EYA2: variants seen among roughly 807,000 people sequenced by gnomAD.
EYA2 encodes EYA transcriptional coactivator and phosphatase 2.
A neutral mutation model predicts 69.2 loss-of-function variants in EYA2; 31 were observed. The observed-to-expected ratio is 0.45, with a 90% CI of 0.34 to 0.60. The LOEUF is 0.60. Ranked by LOEUF, EYA2 falls within the 20% of genes least tolerant of loss-of-function variation. The pLI, the probability that EYA2 is intolerant of heterozygous loss-of-function variation, is 0.02. For synonymous variants in EYA2, 257 were observed against 279.4 expected, an observed-to-expected ratio of 0.92 and a Z score of 0.80; for missense variants, 622 against 701.2, an observed-to-expected ratio of 0.89 and a Z score of 1.28.
chr20:46,962,857 T>G (rs1306628814), intron 1 of EYA2, among the ~76,000 whole-genome samples: 1 of 152,248 alleles, frequency 6.6e-6, no homozygotes. Flanking sequence ...AACACCTGTG[T>G]ACCTTTACCC....
At chr20:46,987,613 G>A (rs1981316661) in intron 1 of EYA2, among the ~76,000 whole-genome samples, 1 of 152,062 alleles carries the variant, frequency 6.6e-6, no homozygotes, top group African/African-American at 2.4e-5. Context: ...CAAGGATTCA[G>A]TTAACTACAG....
In EYA2 at chr20:47,143,004, G is replaced by A. The variant is rs539723989; in HGVS notation, c.889-55G>A. The stretch of plus-strand genomic sequence containing the variant: ...GCAGTGGAATGGGACCAAAAGGGTA[G>A]CTAAGATTCCTCAGGCTCCGCGTGC... On this transcript the variant is annotated intron_variant, in intron 9 of 15. Transcript: ENST00000327619. The A allele has an allele frequency of 9.7e-6, 15 of 1,543,146 alleles. No homozygotes were observed. In the East Asian group the frequency reaches 1.6e-4, roughly 16 times the overall value.
intron 5 of EYA2, among the ~76,000 whole-genome samples, chr20:47,067,922 C>T (rs2031174724): frequency 6.6e-6 from 1 of 152,146 alleles, no homozygotes; most frequent in Non-Finnish European, 1.5e-5. Flanking sequence ...GTTTCTTTTC[C>T]TTAAGCCCTT....
At chr20:46,950,456 G>A (rs968474116) in intron 1 of EYA2, among the ~76,000 whole-genome samples, 2 of 152,292 alleles carry the variant, frequency 1.3e-5, no homozygotes, top group East Asian at 3.9e-4. Context: ...GGTTTGGGGT[G>A]CTGGAGCTGT....
chr20:47,084,587 G>T (rs1568768123), intron 7 of EYA2, among the ~76,000 whole-genome samples: 1 of 152,182 alleles, frequency 6.6e-6, no homozygotes, highest in Non-Finnish European at 1.5e-5. Flanking sequence ...TTGAACAGAT[G>T]ATAGATGCCT....
At chr20:47,026,326 G>A (rs915361847) in intron 5 of EYA2, among the ~76,000 whole-genome samples, 2 of 152,096 alleles carry the variant, frequency 1.3e-5, no homozygotes, top group African/African-American at 4.8e-5. Flanking sequence ...ATACTAGAAC[G>A]AGAATAAGCA....
At chr20:47,027,843 T>C (rs1984185344) in intron 5 of EYA2, among the ~76,000 whole-genome samples, 1 of 152,240 alleles carries the variant, frequency 6.6e-6, no homozygotes, top group Non-Finnish European at 1.5e-5. Context: ...TTTTTAATTT[T>C]GTTTAATTTT....
chr20:47,083,095 G>A (rs2031778084), intron 7 of EYA2, among the ~76,000 whole-genome samples: 1 of 151,932 alleles, frequency 6.6e-6, no homozygotes, highest in African/African-American at 2.4e-5. Flanking sequence ...GGAAGGTGAG[G>A]TGGGAGAATT....
At chr20:47,022,497 A>G (rs1047614900) in intron 5 of EYA2, among the ~76,000 whole-genome samples, 1 of 151,928 alleles carries the variant, frequency 6.6e-6, no homozygotes, top group Non-Finnish European at 1.5e-5. Flanking sequence ...TATTTTTAGT[A>G]GAGATGGGGT....
At chr20:46,979,074 C>T (rs1600602441) in intron 1 of EYA2, among the ~76,000 whole-genome samples, 4 of 152,212 alleles carry the variant, frequency 2.6e-5, no homozygotes, top group African/African-American at 9.6e-5. Flanking sequence ...GAGTGACCCT[C>T]TCCAAAGTCC....
intron 10 of EYA2, among the ~76,000 whole-genome samples, chr20:47,156,657 C>T (rs1245390757): frequency 6.6e-6 from 1 of 151,914 alleles, no homozygotes; most frequent in Non-Finnish European, 1.5e-5. Context: ...AGCATCCTGC[C>T]CAATGGTCAT....
intron 1 of EYA2, among the ~76,000 whole-genome samples, chr20:46,908,041 A>G (rs2146219399): frequency 6.6e-6 from 1 of 152,200 alleles, no homozygotes; most frequent in South Asian, 2.1e-4. Context: ...TTTTCCATTC[A>G]CCATTCTCCT....
intron 1 of EYA2, among the ~76,000 whole-genome samples, chr20:46,962,312 C>G (rs1052883028): frequency 6.6e-6 from 1 of 152,156 alleles, no homozygotes; most frequent in Admixed American, 6.5e-5. Flanking sequence ...CAGGCATGAG[C>G]GACCGTGCCC....
In EYA2 at chr20:46,898,877, C is replaced by G. The variant is rs74990612; in HGVS notation, c.-11+3890C>G. 1.4e-4 allele frequency among the ~76,000 whole-genome samples: 21 copies of G among 152,300 alleles called. No homozygotes were observed. The East Asian group carries it at 4.1e-3, about 29-fold the overall frequency. On this transcript the variant is annotated intron_variant, in intron 1 of 15. Transcript: ENST00000327619. ...GAAGGAAGCCACAGGCTTATACATT[C>G]ATTTTTAGTGCATATTTCTTTTTGT...
chr20:47,164,440 C>T (rs2034139417), intron 10 of EYA2, among the ~76,000 whole-genome samples: 1 of 152,210 alleles, frequency 6.6e-6, no homozygotes, highest in Non-Finnish European at 1.5e-5. Flanking sequence ...CCGGGTGACC[C>T]CAGGAGTGGC....
At chr20:47,162,590 T>A (rs1210122436) in intron 10 of EYA2, among the ~76,000 whole-genome samples, 2 of 141,900 alleles carry the variant, frequency 1.4e-5, no homozygotes, top group Non-Finnish European at 3.0e-5. Context: ...CGATCATAAC[T>A]CACTCCAGCC....
chr20:46,897,383 C>T (rs990227746), intron 1 of EYA2, among the ~76,000 whole-genome samples: 1 of 152,194 alleles, frequency 6.6e-6, no homozygotes, highest in Admixed American at 6.5e-5. Context: ...CACTTTAAGA[C>T]GTTGTTGGAT....
intron 3 of EYA2, 69 bp from the exon 4 acceptor site, chr20:47,004,873 G>C (rs777409923): frequency 1.2e-6 from 2 of 1,607,498 alleles, no homozygotes; most frequent in Admixed American, 1.7e-5. Flanking sequence ...TGGGGGTGTT[G>C]ATATCAAGAT....
At chr20:47,119,117 C>T (rs919427500) in intron 9 of EYA2, among the ~76,000 whole-genome samples, 1 of 152,198 alleles carries the variant, frequency 6.6e-6, no homozygotes, top group Non-Finnish European at 1.5e-5. Flanking sequence ...GGTTGAGAAG[C>T]CGTCTCCCCT....
Sources: gnomAD v4.1 joint callset for allele counts (sites outside exome capture counted in the v4.1 genomes callset) on GRCh38, gnomAD v4.1.1 for gene constraint, MANE v1.5 for transcripts, NCBI Gene and HGNC (gene_info 2026-07-23, HGNC 2026-07-21) for gene names.